PLA2G15: variants seen among roughly 807,000 people sequenced by gnomAD.
The protein encoded by PLA2G15 is phospholipase A2 group XV.
PLA2G15 carries 20 observed loss-of-function variants against 40.9 expected under a neutral mutation model. That is an observed-to-expected ratio of 0.49 (90% confidence interval 0.34 to 0.71). The LOEUF is 0.71. PLA2G15 is among the 30% of genes least tolerant of loss of function. The pLI, the probability that PLA2G15 is intolerant of heterozygous loss-of-function variation, is 0.01. For synonymous variants in PLA2G15, 223 were observed against 228.2 expected (o/e 0.98, Z 0.21); for missense variants, 471 against 541.9 (o/e 0.87, Z 1.30).
At chr16:68,247,018 C>A (rs918215586) in intron 1 of PLA2G15, among the ~76,000 whole-genome samples, 1 of 152,070 alleles carries the variant, frequency 6.6e-6, no homozygotes, top group East Asian at 1.9e-4. Context: ...TGATGCTAAC[C>A]GCACTCATCA....
Position 68,255,638 on chromosome 16 carries a change from C to A in PLA2G15, c.503-128C>A. 1.3e-6 allele frequency: 1 copy of A among 772,032 alleles called. No individual in the cohort carries two copies. The allele number at this position is 772,032 out of a possible 1,614,324, so 47.8% of individuals were successfully genotyped here. On this transcript the variant is annotated intron_variant, in intron 4 of 5. Transcript: ENST00000219345. The surrounding 1 kb of genome is among the most constrained non-coding windows in gnomAD (Gnocchi z 5.9). ...TCCCTTCATGGAAGGCGGGGGGACC[C>A]AGACCGCTCTGTTTGAATGTGAGCA...
intron 1 of PLA2G15, among the ~76,000 whole-genome samples, chr16:68,247,220 G>A (rs1419999733): frequency 4.6e-5 from 7 of 152,152 alleles, no homozygotes. Flanking sequence ...GACCTTGACT[G>A]TCAGAAGATC....
chr16:68,256,211 G>C, intron 5 of PLA2G15: 1 of 500,188 alleles, frequency 2.0e-6, no homozygotes, highest in Non-Finnish European at 3.6e-6. Flanking sequence ...AGCCACATCT[G>C]TGTCTCAGGT....
chr16:68,260,775 C>G lies in PLA2G15; in HGVS notation c.*1118C>G, dbSNP rs2042441760. ...CTGCCCCAGGGTGCTCCATGGATCTCCCTGTGGCAGCAGGCATGGAGAGTC... is the reference window on the plus strand; with the variant it reads ...CTGCCCCAGGGTGCTCCATGGATCTGCCTGTGGCAGCAGGCATGGAGAGTC... On this transcript the variant is annotated 3_prime_UTR_variant, in exon 6 of 6. Transcript: ENST00000219345. 6.6e-6 allele frequency: 1 copy of G among 152,244 alleles called. No homozygotes were observed. Among genetic ancestry groups the G allele is most frequent in the African/African-American group, 2.4e-5 (1 of 41,464 alleles). The allele number at this position is 152,244 out of a possible 1,614,324, so 9.4% of individuals were successfully genotyped here.
Position 68,255,735 on chromosome 16 carries a change from C to A in PLA2G15, c.503-31C>A. 4 of 1,588,274 alleles carry A rather than the reference C, an allele frequency of 2.5e-6. No homozygotes were observed. Among genetic ancestry groups the A allele is most frequent in the South Asian group, 2.2e-5 (2 of 90,530 alleles). On this transcript the variant is annotated intron_variant, in intron 4 of 5. Coordinates refer to ENST00000219345, the MANE Select transcript of PLA2G15 (RefSeq NM_012320.4). The surrounding 1 kb of genome is among the most constrained non-coding windows in gnomAD (Gnocchi z 5.9). The stretch of plus-strand genomic sequence containing the variant: ...GTGGTTCCGGCTCCAGGACCCTTCC[C>A]ACCTGACCCCTGCCTGGCTCTGGCC...
At chr16:68,258,807 G>T in intron 5 of PLA2G15, 2 of 238,938 alleles carry the variant, frequency 8.4e-6, no homozygotes. Context: ...GGAAAAATTT[G>T]CCAGGCATGA....
chr16:68,246,381 G>A (rs2042309099), intron 1 of PLA2G15, among the ~76,000 whole-genome samples: 1 of 152,236 alleles, frequency 6.6e-6, no homozygotes, highest in Admixed American at 6.5e-5. Flanking sequence ...GAGCTGGTGT[G>A]TCCGTGGCCA....
chr16:68,257,297 T>A (rs2042409581), intron 5 of PLA2G15, among the ~76,000 whole-genome samples: 1 of 152,156 alleles, frequency 6.6e-6, no homozygotes, highest in Non-Finnish European at 1.5e-5. Flanking sequence ...AGTTCTGGGA[T>A]TACAAGGATG....
intron 2 of PLA2G15, among the ~76,000 whole-genome samples, chr16:68,253,691 G>A (rs57440032): frequency 1.6e-5 from 2 of 124,932 alleles, no homozygotes; most frequent in Non-Finnish European, 3.3e-5. Context: ...GTTTTGTTTT[G>A]TTTTTTTTTT....
intron 5 of PLA2G15, 59 bp downstream of exon 5, chr16:68,256,049 C>T (rs1020526882): frequency 8.7e-7 from 1 of 1,150,510 alleles, no homozygotes; most frequent in East Asian, 2.5e-5. Context: ...CCCTCTCTTC[C>T]CTTCCTAAGT....
At chr16:68,249,747 C>G (rs1284806325) in intron 2 of PLA2G15, among the ~76,000 whole-genome samples, 1 of 152,136 alleles carries the variant, frequency 6.6e-6, no homozygotes, top group East Asian at 1.9e-4. Context: ...GGCGCCATCT[C>G]AGCTCACTGC....
intron 2 of PLA2G15, among the ~76,000 whole-genome samples, chr16:68,252,047 T>G (rs568911108): frequency 1.3e-5 from 2 of 152,294 alleles, no homozygotes; most frequent in East Asian, 3.9e-4. Context: ...CCTCAGGTGC[T>G]GCCAGTTGGA....
At chr16:68,256,052 T>C in intron 5 of PLA2G15, 62 bp downstream of exon 5, 1 of 1,064,100 alleles carries the variant, frequency 9.4e-7, no homozygotes, top group South Asian at 1.5e-5. Context: ...TCTCTTCCCT[T>C]CCTAAGTGTC....
Position 68,260,727 on chromosome 16 carries a change from AG to A in PLA2G15, c.*1072del. Reference sequence around the variant, plus strand: ...CCCTGAGAGAGCCAGGGGTCCCCTGAGGCCCCCCTAGGGGCTTTCTGTCTGC... The same window carrying A: ...CCCTGAGAGAGCCAGGGGTCCCCTGAGCCCCCCTAGGGGCTTTCTGTCTGC... On this transcript the variant is annotated 3_prime_UTR_variant, in exon 6 of 6. Coordinates refer to ENST00000219345, the MANE Select transcript of PLA2G15 (RefSeq NM_012320.4). 6.6e-6 allele frequency: 1 copy of A among 152,326 alleles called. No homozygotes were observed. The highest frequency in any genetic ancestry group is 2.4e-5 in the African/African-American group (1 of 41,564). 9.4% of individuals were successfully genotyped at this position (152,326 alleles called of 1,614,324 possible).
chr16:68,253,183 G>A lies in PLA2G15; in HGVS notation c.285-1736G>A, dbSNP rs552596693. Among the ~76,000 whole-genome samples, 15 of 152,228 alleles carry A rather than the reference G, an allele frequency of 9.9e-5. No individual in the cohort carries two copies. The South Asian group carries it at 2.9e-3, about 29-fold the overall frequency. ...TCCTCCATGGAGGATGTGTTTGGAG[G>A]TTGGCTGGCTGCTGTGTCCAATGCG... On this transcript the variant is annotated intron_variant, in intron 2 of 5. Coordinates refer to ENST00000219345, the MANE Select transcript of PLA2G15 (RefSeq NM_012320.4).
chr16:68,255,975 C>CG lies in PLA2G15; in HGVS notation c.713dup (p.Val239ArgfsTer41). 6.2e-7 allele frequency: 1 copy of CG among 1,603,482 alleles called. No homozygotes were observed. The highest frequency in any genetic ancestry group is 8.5e-7 in the Non-Finnish European group (1 of 1,173,688). ...CTGGGGGGGCGTGGCCAAGACCCTG[C>CG]GCGTCCTGGCTTCAGGTAAGACCCT... On this transcript the variant is annotated frameshift_variant, in exon 5 of 6. Transcript: ENST00000219345. LOFTEE classifies it high-confidence loss of function. The surrounding 1 kb of genome is among the most constrained non-coding windows in gnomAD (Gnocchi z 5.9).
Position 68,259,120 on chromosome 16 carries a change from G to T in PLA2G15, c.728-26G>T. The T allele has an allele frequency of 6.3e-7, 1 of 1,590,248 alleles. No homozygotes were observed. Among genetic ancestry groups the T allele is most frequent in the South Asian group, 1.2e-5 (1 of 85,968 alleles). On this transcript the variant is annotated intron_variant, in intron 5 of 5. Transcript: ENST00000219345. The surrounding 1 kb of genome is among the most constrained non-coding windows in gnomAD (Gnocchi z 6.5). The stretch of plus-strand genomic sequence containing the variant: ...CAACCAGCTGGCATTCCTAAGCACA[G>T]ACTGACCAGAGCCTTCTCCCTGCAG...
Position 68,255,149 on chromosome 16 carries a change from T to C in PLA2G15, c.403+112T>C. The stretch of plus-strand genomic sequence containing the variant: ...GTAGGGACAGCCTGTGAGCTGTCTC[T>C]GATCAGCGTGGGCACAGAGCCCTGT... On this transcript the variant is annotated intron_variant, in intron 3 of 5. Transcript: ENST00000219345. This position sits in a 1 kb window ranked among gnomAD's most constrained non-coding sequence, Gnocchi z 5.9. The C allele has an allele frequency of 2.0e-6, 2 of 980,122 alleles. No individual in the cohort carries two copies. The highest frequency in any genetic ancestry group is 2.6e-5 in the South Asian group (2 of 75,796). 60.7% of individuals were successfully genotyped at this position (980,122 alleles called of 1,614,324 possible). A position where few individuals can be genotyped will look rare whatever the true frequency, so the allele number is the denominator to read the frequency against.
At chr16:68,253,099 T>A (rs1596946458) in intron 2 of PLA2G15, among the ~76,000 whole-genome samples, 2 of 152,208 alleles carry the variant, frequency 1.3e-5, no homozygotes, top group Admixed American at 6.5e-5. Flanking sequence ...GTGGCTGCAG[T>A]CTGACAGTTG....
Sources: allele counts gnomAD v4.1 joint callset (sites outside exome capture counted in the v4.1 genomes callset), GRCh38; gene constraint gnomAD v4.1.1; non-coding constraint Gnocchi (gnomAD v3.1); transcripts MANE v1.5; gene names NCBI Gene and HGNC (gene_info 2026-07-23, HGNC 2026-07-21).